Variants in ZNF678 observed in about 807,000 individuals in gnomAD.
ZNF678 encodes hypothetical protein MGC42493.
ZNF678 carries 5 observed loss-of-function variants against 3.0 expected under a neutral mutation model. The ratio of observed to expected loss-of-function variants is 1.69; its 90% CI spans 0.88 to 3.56. The LOEUF (loss-of-function observed/expected upper bound fraction) is 3.56, where lower values mean the gene tolerates loss of function less well. Among genes scored for constraint, ZNF678 ranks in the 30% most tolerant of loss-of-function variants. The pLI, the probability that ZNF678 is intolerant of heterozygous loss-of-function variation, is 0.00. For synonymous variants in ZNF678, 218 were observed against 199.6 expected, an observed-to-expected ratio of 1.09 and a Z score of -0.78; for missense variants, 593 against 605.0, an observed-to-expected ratio of 0.98 and a Z score of 0.21.
rs1380685488 is a variant in ZNF678, at chr1:227,655,011, A to C, written c.761A>C (p.Gln254Pro). Residue 254 changes from glutamine (Q) to proline (P), a missense_variant, in exon 4 of 4, where the codon CAA becomes CCA. Coordinates refer to ENST00000343776, the MANE Select transcript of ZNF678 (RefSeq NM_001367909.1). ...TTTAACAAGTTCTCAAACCTTACTC[A>C]ACATAAGAGAATTCATACTGGAGAG... ...KAFNKFSNLT[Q>P]HKRIHTGEKP... 17 of 1,611,844 alleles carry C rather than the reference A, an allele frequency of 1.1e-5. No individual in the cohort carries two copies. The highest frequency in any genetic ancestry group is 1.1e-5 in the Non-Finnish European group (13 of 1,179,274).
chr1:227,664,312 C>T (rs1659465019), downstream of ZNF678, among the ~76,000 whole-genome samples: 1 of 152,196 alleles, frequency 6.6e-6, no homozygotes, highest in African/African-American at 2.4e-5. Context: ...CACTCACCTC[C>T]CTGTCCTGTC....
intron 1 of ZNF678, among the ~76,000 whole-genome samples, chr1:227,564,731 T>A (rs993959691): frequency 2.0e-5 from 3 of 152,142 alleles, no homozygotes; most frequent in African/African-American, 7.2e-5. Flanking sequence ...GTTGTTTTGT[T>A]TGTTTTTGTT....
intron 1 of ZNF678, among the ~76,000 whole-genome samples, chr1:227,600,139 T>G (rs935262271): frequency 6.6e-6 from 1 of 152,194 alleles, no homozygotes. Flanking sequence ...GGACATGATC[T>G]CATTTTTTTT....
Position 227,654,848 on chromosome 1 carries a change from A to T in ZNF678, c.598A>T (p.Lys200Ter), listed in dbSNP as rs1208301093. ...TTGGTGGTCACAACTAACTAGCCAT[A>T]AGAAAATTCATAGTGGAGAGAAACC... ...FNWWSQLTSH[K>*]KIHSGEKPYP... is the part of the protein sequence containing the mutation. Residue 200 changes from lysine to a stop codon, truncating the protein, a stop_gained, in exon 4 of 4, where the codon AAG (lysine) becomes TAG (stop). Coordinates refer to ENST00000343776, the MANE Select transcript of ZNF678 (RefSeq NM_001367909.1). LOFTEE classifies it low-confidence loss of function (END_TRUNC). 6.2e-7 allele frequency: 1 copy of T among 1,608,822 alleles called. No homozygotes were observed. Among genetic ancestry groups the T allele is most frequent in the African/African-American group, 1.3e-5 (1 of 74,754 alleles).
rs771454019 is a variant in ZNF678 at position 227,654,351 on chromosome 1, C to T, written c.101C>T (p.Ser34Phe). 1.3e-6 allele frequency: 2 copies of T among 1,540,866 alleles called. No homozygotes were observed. Among genetic ancestry groups the T allele is most frequent in the African/African-American group, 2.8e-5 (2 of 71,762 alleles). The part of the protein sequence containing the change: ...KLVYTAILSY[S>F]IQDLLPEQDM... ...TTTCTTTCAGCTATTTTATCTTATT[C>T]CATTCAAGACCTTTTGCCAGAGCAG... The change falls in exon 4 of 4, where the codon TCC becomes TTC. Residue 34 changes from serine to phenylalanine, a missense_variant. By Grantham distance (155) the Ser-to-Phe change is radical (BLOSUM62 -2). Coordinates refer to ENST00000343776, the MANE Select transcript of ZNF678 (RefSeq NM_001367909.1).
At chr1:227,641,446 G>T (rs115305320) in intron 1 of ZNF678, among the ~76,000 whole-genome samples, 1 of 152,020 alleles carries the variant, frequency 6.6e-6, no homozygotes, top group Non-Finnish European at 1.5e-5. Flanking sequence ...AGCAGATGAC[G>T]TGATATATGT....
intron 1 of ZNF678, among the ~76,000 whole-genome samples, chr1:227,643,863 C>CTTTTTTTTTTTTT (rs554280668): frequency 1.7e-5 from 2 of 115,426 alleles, no homozygotes; most frequent in African/African-American, 3.4e-5. Flanking sequence ...CTTTTCTTTT[C>CTTTTTTTTTTTTT]TTTTTTTTTT....
chr1:227,633,580 G>A (rs1380241517), intron 1 of ZNF678, among the ~76,000 whole-genome samples: 1 of 152,160 alleles, frequency 6.6e-6, no homozygotes, highest in African/African-American at 2.4e-5. Context: ...GAGTACAGCA[G>A]TTGTGAGGCA....
At chr1:227,579,211 A>G (rs1657059826) in intron 1 of ZNF678, among the ~76,000 whole-genome samples, 1 of 152,052 alleles carries the variant, frequency 6.6e-6, no homozygotes, top group African/African-American at 2.4e-5. Context: ...GGAATGGTGA[A>G]GGCAATACAG....
chr1:227,604,314 A>G (rs889964558), intron 1 of ZNF678, among the ~76,000 whole-genome samples: 5 of 152,192 alleles, frequency 3.3e-5, no homozygotes, highest in South Asian at 2.1e-4. Context: ...TGAGGGTTCT[A>G]TGTTTACATC....
intron 3 of ZNF678, 29 bp from the exon 4 acceptor site, chr1:227,654,307 G>C: frequency 6.8e-7 from 1 of 1,473,248 alleles, no homozygotes; most frequent in Non-Finnish European, 9.0e-7. Flanking sequence ...TTAGTAAGAA[G>C]AATAACTTTT....
At chr1:227,665,949 A>G (rs1299280080), downstream of ZNF678, among the ~76,000 whole-genome samples, 1 of 151,788 alleles carries the variant, frequency 6.6e-6, no homozygotes, top group Non-Finnish European at 1.5e-5. Flanking sequence ...CTTCAATCCA[A>G]TCCTATCTAC....
intron 2 of ZNF678, among the ~76,000 whole-genome samples, chr1:227,648,724 C>T (rs1045557801): frequency 1.6e-4 from 25 of 151,940 alleles, no homozygotes; most frequent in African/African-American, 4.8e-4. Context: ...GAAGCAGAGG[C>T]GGGAGAATTT....
chr1:227,617,887 A>G (rs959127570), intron 1 of ZNF678, among the ~76,000 whole-genome samples: 3 of 152,166 alleles, frequency 2.0e-5, no homozygotes, highest in African/African-American at 7.2e-5. Context: ...CATTTTGTGG[A>G]TACTGGTCAG....
At chr1:227,623,584 C>T (rs1251481315) in intron 1 of ZNF678, among the ~76,000 whole-genome samples, 1 of 152,152 alleles carries the variant, frequency 6.6e-6, no homozygotes, top group Non-Finnish European at 1.5e-5. Context: ...AATTTTCTCT[C>T]ACTTTGTTGC....
intron 1 of ZNF678, among the ~76,000 whole-genome samples, chr1:227,576,176 T>C (rs889903036): frequency 2.0e-5 from 3 of 152,182 alleles, no homozygotes; most frequent in African/African-American, 7.2e-5. Flanking sequence ...GGTTTTTGCA[T>C]TGATGTTCAT....
chr1:227,579,231 G>A (rs1336930367), intron 1 of ZNF678, among the ~76,000 whole-genome samples: 1 of 152,154 alleles, frequency 6.6e-6, no homozygotes, highest in Non-Finnish European at 1.5e-5. Context: ...GCTGGGGTTA[G>A]GAGTGGTGGG....
intron 1 of ZNF678, among the ~76,000 whole-genome samples, chr1:227,566,581 C>G (rs1057213440): frequency 6.6e-6 from 1 of 152,194 alleles, no homozygotes; most frequent in African/African-American, 2.4e-5. Flanking sequence ...GATAGCCTGA[C>G]TTGACGCTTG....
intron 1 of ZNF678, among the ~76,000 whole-genome samples, chr1:227,598,015 G>A (rs6667937): frequency 0.2 from 29,701 of 152,172 alleles, 3,067 homozygotes; most frequent in East Asian, 0.25. Flanking sequence ...TACAGAGTAA[G>A]GGTTTTGAAA....
Sources: gnomAD v4.1 joint callset for allele counts (sites outside exome capture counted in the v4.1 genomes callset) on GRCh38, gnomAD v4.1.1 for gene constraint, MANE v1.5 for transcripts, NCBI Gene and HGNC (gene_info 2026-07-23, HGNC 2026-07-21) for gene names.